AMOTL1: variants seen among roughly 807,000 people sequenced by gnomAD.
AMOTL1 encodes angiomotin like 1.
A neutral mutation model predicts 102.9 loss-of-function variants in AMOTL1; 45 were observed. That is an observed-to-expected ratio of 0.44 (90% CI 0.34 to 0.56). The LOEUF is 0.56. AMOTL1 is among the 20% of genes least tolerant of loss of function. The pLI is 0.01. For missense variants in AMOTL1, 1,114 were observed against 1,225.6 expected (o/e 0.91, Z 1.36); for synonymous variants, 481 against 484.7 (o/e 0.99, Z 0.10).
chr11:94,714,052 G>A (rs1950058130), intron 1 of AMOTL1, among the ~76,000 whole-genome samples: 1 of 151,958 alleles, frequency 6.6e-6, no homozygotes, highest in Non-Finnish European at 1.5e-5. Flanking sequence ...TCAAGCTGAG[G>A]AAGCTTCCCT....
At chr11:94,815,503 G>A (rs1243164380) in intron 3 of AMOTL1, among the ~76,000 whole-genome samples, 4 of 151,984 alleles carry the variant, frequency 2.6e-5, no homozygotes, top group African/African-American at 4.8e-5. Context: ...TGGAATAAAT[G>A]CCTATAAATA....
intron 3 of AMOTL1, among the ~76,000 whole-genome samples, chr11:94,815,331 G>C (rs531756910): frequency 7.2e-5 from 11 of 151,824 alleles, no homozygotes; most frequent in Admixed American, 2.0e-4. Context: ...GCTAAATCCT[G>C]AGTTATTGGC....
chr11:94,763,428 A>C (rs552305604), upstream of AMOTL1, among the ~76,000 whole-genome samples: 70 of 152,280 alleles, frequency 4.6e-4, no homozygotes, highest in African/African-American at 1.6e-3. Flanking sequence ...ATTTGAGAAT[A>C]TTATTTTATA....
At chr11:94,706,535 T>A (rs1949932685) in exon 1 of AMOTL1, 2 of 152,166 alleles carry the variant, frequency 1.3e-5, no homozygotes, top group South Asian at 4.1e-4. Context: ...GCTCTGTGAG[T>A]CCCTGTCACT....
chr11:94,707,236 CTCTCTCTCTCTCTCTGTGTGTGTGTGTG>C (rs1176351432), intron 1 of AMOTL1, among the ~76,000 whole-genome samples: 2 of 140,928 alleles, frequency 1.4e-5, no homozygotes, highest in Non-Finnish European at 3.1e-5. Flanking sequence ...CTCTCTCTCT[CTCTCTCTCTCTCTCTGTGTGTGTGTGTG>C]TGTGTGTGTG....
intron 3 of AMOTL1, among the ~76,000 whole-genome samples, chr11:94,750,745 C>T (rs1950643323): frequency 6.6e-6 from 1 of 152,192 alleles, no homozygotes; most frequent in African/African-American, 2.4e-5. Context: ...AAATTCAATT[C>T]CCTTCACAGG....
intron 3 of AMOTL1, among the ~76,000 whole-genome samples, chr11:94,747,352 T>C (rs1591925086): frequency 6.6e-6 from 1 of 152,194 alleles, no homozygotes; most frequent in African/African-American, 2.4e-5. Context: ...AACTGGCCTA[T>C]GAGTGCCAGG....
At chr11:94,793,409 C>G (rs538397460) in intron 1 of AMOTL1, among the ~76,000 whole-genome samples, 2 of 152,314 alleles carry the variant, frequency 1.3e-5, no homozygotes, top group African/African-American at 4.8e-5. Context: ...GTTGGAAGAG[C>G]TGTATAAAAT....
At chr11:94,866,411 ATTG>A in intron 11 of AMOTL1, 1 of 530,656 alleles carries the variant, frequency 1.9e-6, no homozygotes, top group East Asian at 3.4e-5. Context: ...ATTATCTATT[ATTG>A]TTGTAAGTTG....
In AMOTL1 at chr11:94,800,318, A is replaced by T; in HGVS notation, c.1121+7A>T. The T allele has an allele frequency of 6.3e-7, 1 of 1,576,116 alleles. No homozygotes were observed. Among genetic ancestry groups the T allele is most frequent in the African/African-American group, 1.4e-5 (1 of 73,506 alleles). On this transcript the variant is annotated splice_region_variant and intron_variant, in intron 3 of 12. Coordinates refer to ENST00000433060, the MANE Select transcript of AMOTL1 (RefSeq NM_130847.3). ...CTGAGTATGGGGTAACGAGGTGATTATCAACTGCAGACGTTTCGTGCGGCT... is the reference window on the plus strand; with the variant it reads ...CTGAGTATGGGGTAACGAGGTGATTTTCAACTGCAGACGTTTCGTGCGGCT...
chr11:94,742,740 A>C (rs1950543260), intron 3 of AMOTL1, among the ~76,000 whole-genome samples: 1 of 152,212 alleles, frequency 6.6e-6, no homozygotes, highest in Non-Finnish European at 1.5e-5. Context: ...AAACAGCAGA[A>C]ATTTATTTCT....
chr11:94,782,713 G>T (rs1951130493), intron 1 of AMOTL1, among the ~76,000 whole-genome samples: 1 of 152,136 alleles, frequency 6.6e-6, no homozygotes, highest in Admixed American at 6.5e-5. Flanking sequence ...ATCTGAAGAG[G>T]CTATTAAAAT....
intron 3 of AMOTL1, among the ~76,000 whole-genome samples, chr11:94,741,176 G>A (rs1192829031): frequency 6.6e-6 from 1 of 152,118 alleles, no homozygotes; most frequent in Non-Finnish European, 1.5e-5. Context: ...GCTTTCGGGG[G>A]TGGCAGGGCA....
chr11:94,846,742 T>C (rs551062145), intron 6 of AMOTL1, among the ~76,000 whole-genome samples: 18 of 152,316 alleles, frequency 1.2e-4, no homozygotes, highest in Non-Finnish European at 2.2e-4. Flanking sequence ...GAACACACAT[T>C]AGATATAAAT....
At chr11:94,870,657 T>C in intron 12 of AMOTL1, 32 bp from the exon 13 acceptor site, 1 of 1,528,128 alleles carries the variant, frequency 6.5e-7, no homozygotes, top group Non-Finnish European at 8.9e-7. Context: ...TCCTGAGGAA[T>C]GGGCAGCTGA....
rs113581298 is a variant in AMOTL1 at position 94,802,345 on chromosome 11, T to G, written c.1121+2034T>G. Among the ~76,000 whole-genome samples, 881 of 152,352 alleles carry G rather than the reference T, an allele frequency of 5.8e-3. 5 individuals are homozygous for G. The highest frequency in any genetic ancestry group is 0.02 in the African/African-American group (834 of 41,580). On this transcript the variant is annotated intron_variant, in intron 3 of 12. Transcript: ENST00000433060. ...GCTTATTATATTTCACCCTTTTCCC[T>G]GATAACTTAACTCAGCCTCTAGAGC...
At position 94,830,134 on chromosome 11, in the gene AMOTL1, A is replaced by T; in HGVS notation, c.1498A>T (p.Met500Leu). The T allele has an allele frequency of 6.2e-7, 1 of 1,611,476 alleles. No individual in the cohort carries two copies. Among genetic ancestry groups the T allele is most frequent in the South Asian group, 1.1e-5 (1 of 90,180 alleles). ...TTKRESLDKA[M>L]RNKLEGEIRR... ...CAAGCGAGAATCGCTGGACAAGGCC[A>T]TGAGAAACAAATTGGAAGGCGAGAT... Residue 500 changes from methionine to leucine, a missense_variant, in exon 5 of 13, where the codon ATG becomes TTG. By Grantham distance (15) the Met-to-Leu change is conservative. Coordinates refer to ENST00000433060, the MANE Select transcript of AMOTL1 (RefSeq NM_130847.3).
intron 1 of AMOTL1, among the ~76,000 whole-genome samples, chr11:94,720,454 C>T (rs976019011): frequency 6.6e-6 from 1 of 152,060 alleles, no homozygotes; most frequent in South Asian, 2.1e-4. Context: ...GTCTTTCAAA[C>T]GTCTTTCATC....
intron 3 of AMOTL1, among the ~76,000 whole-genome samples, chr11:94,751,524 A>G (rs900293618): frequency 6.6e-6 from 1 of 152,088 alleles, no homozygotes; most frequent in African/African-American, 2.4e-5. Flanking sequence ...GGGCAGGTGG[A>G]CTCAAACTTG....
Sources: gnomAD v4.1 joint callset for allele counts (sites outside exome capture counted in the v4.1 genomes callset) on GRCh38, gnomAD v4.1.1 for gene constraint, MANE v1.5 for transcripts, NCBI Gene and HGNC (gene_info 2026-07-23, HGNC 2026-07-21) for gene names.